The following TTLL6 variants were observed in gnomAD, a reference collection of about 807,000 sequenced individuals.
The protein encoded by TTLL6 is tubulin polyglutamylase TTLL6.
A neutral mutation model predicts 96.4 loss-of-function variants in TTLL6; 75 were observed. That is an observed-to-expected ratio of 0.78 (90% CI 0.65 to 0.94). The LOEUF is 0.94. Ranked by LOEUF, TTLL6 falls within the 40% of genes least tolerant of loss-of-function variation. The pLI is 0.00. For missense variants in TTLL6, 1,030 were observed against 1,093.0 expected (o/e 0.94, Z 0.81); for synonymous variants, 411 against 419.4 (o/e 0.98, Z 0.24).
rs1424866561 is a variant in TTLL6 at position 48,799,892 on chromosome 17, G to A, written c.612-132C>T. ...TCCCTGGCACTGACAGATGCCCAGAGGTCCAGCAATGGGAGAGAGTAGAGC... is the reference window on the plus strand; with the variant it reads ...TCCCTGGCACTGACAGATGCCCAGAAGTCCAGCAATGGGAGAGAGTAGAGC... On this transcript the variant is annotated intron_variant, in intron 5 of 15. Coordinates refer to ENST00000393382, the MANE Select transcript of TTLL6 (RefSeq NM_001130918.3). The A allele has an allele frequency of 1.4e-5, 11 of 791,946 alleles. No individual in the cohort carries two copies. In the Admixed American group the frequency reaches 2.7e-4, roughly 19 times the overall value. 49.1% of individuals were successfully genotyped at this position (791,946 alleles called of 1,614,324 possible).
intron 13 of TTLL6, 77 bp from the exon 14 acceptor site, chr17:48,770,174 A>AT: frequency 1.3e-6 from 2 of 1,497,320 alleles, no homozygotes; most frequent in Non-Finnish European, 1.8e-6. Context: ...TTTTATTTTT[A>AT]TTTTTTGAGA....
chr17:48,816,227 G>C (rs2039665233), intron 1 of TTLL6, among the ~76,000 whole-genome samples: 1 of 152,092 alleles, frequency 6.6e-6, no homozygotes, highest in South Asian at 2.1e-4. Flanking sequence ...AGGATCACTT[G>C]AGCTCAGGAG....
In TTLL6 at chr17:48,799,739, G is replaced by A. The variant is rs1448905744; in HGVS notation, c.633C>T (p.Tyr211=). Residue 211 remains tyrosine (Y), a synonymous_variant, in exon 6 of 16, where the codon TAC becomes TAT. Coordinates refer to ENST00000393382, the MANE Select transcript of TTLL6 (RefSeq NM_001130918.3). ...LPADWGDLQT[Y]SRSRKNKTYI... is the part of the protein sequence containing the mutation. ...ATGTCTTATTTTTTCTTGACCTGCT[G>A]TAGGTCTGCAAATCTCCCCAGCTAC... The A allele has an allele frequency of 6.4e-7, 1 of 1,551,680 alleles. No homozygotes were observed. Among genetic ancestry groups the A allele is most frequent in the East Asian group, 2.4e-5 (1 of 40,922 alleles).
chr17:48,774,631 C>T (rs181315314), intron 13 of TTLL6, among the ~76,000 whole-genome samples: 29 of 152,218 alleles, frequency 1.9e-4, no homozygotes, highest in African/African-American at 7.0e-4. Context: ...ATAAATAACT[C>T]TTCATGTATA....
At chr17:48,771,284 T>G (rs2038739447) in intron 13 of TTLL6, among the ~76,000 whole-genome samples, 1 of 152,188 alleles carries the variant, frequency 6.6e-6, no homozygotes. Context: ...TTTCGATTGC[T>G]GCTGACCACA....
chr17:48,778,598 C>A (rs925837602), intron 13 of TTLL6, among the ~76,000 whole-genome samples: 1 of 149,222 alleles, frequency 6.7e-6, no homozygotes, highest in African/African-American at 2.5e-5. Flanking sequence ...GAGTTTGAAA[C>A]CAGCCTGGGC....
At chr17:48,770,679 G>A (rs1367083752) in intron 13 of TTLL6, among the ~76,000 whole-genome samples, 1 of 151,372 alleles carries the variant, frequency 6.6e-6, no homozygotes, top group Non-Finnish European at 1.5e-5. Context: ...ACCACATCTG[G>A]CTTTTGTATT....
In TTLL6 at chr17:48,802,076, GAA is replaced by G. The variant is rs1259637685; in HGVS notation, c.362-435_362-434del. On this transcript the variant is annotated intron_variant, in intron 3 of 15. Transcript: ENST00000393382. ...AAAGAAAGAAAAGAAAAGAAAGAAA[GAA>G]AAAGAAAGAAAGAAAGAAAGAAAGA... Among the ~76,000 whole-genome samples, 264 of 62,200 alleles carry G rather than the reference GAA, an allele frequency of 4.2e-3. 1 individual carries two copies. Among genetic ancestry groups the G allele is most frequent in the Middle Eastern group, 7.4e-3 (1 of 136 alleles). 40.8% of individuals were successfully genotyped at this position (62,200 alleles called of 152,430 possible).
At chr17:48,810,544 C>CT (rs749804671) in intron 1 of TTLL6, among the ~76,000 whole-genome samples, 1 of 151,950 alleles carries the variant, frequency 6.6e-6, no homozygotes, top group Non-Finnish European at 1.5e-5. Flanking sequence ...GCAGAAATGT[C>CT]TACTTCTGGG....
chr17:48,811,068 C>CTTTTTTT (rs35618180), intron 1 of TTLL6, among the ~76,000 whole-genome samples: 1 of 110,550 alleles, frequency 9.0e-6, no homozygotes, highest in African/African-American at 3.4e-5. Context: ...TATTATTTTT[C>CTTTTTTT]TTTTTTTTTT....
intron 13 of TTLL6, among the ~76,000 whole-genome samples, chr17:48,772,695 C>T (rs1404750005): frequency 6.8e-6 from 1 of 147,216 alleles, no homozygotes; most frequent in Non-Finnish European, 1.5e-5. Context: ...TGCACCACTG[C>T]ACTCCAGCCT....
intron 1 of TTLL6, chr17:48,812,064 A>ACCTCCCCCCCCCCCCC (rs2039602289): frequency 2.6e-5 from 2 of 76,142 alleles, no homozygotes; most frequent in African/African-American, 1.1e-4. Context: ...TGATGCTGGG[A>ACCTCCCCCCCCCCCCC]CCCCCCCCCC....
intron 1 of TTLL6, among the ~76,000 whole-genome samples, chr17:48,812,551 T>G (rs2039611713): frequency 6.6e-6 from 1 of 152,180 alleles, no homozygotes. Flanking sequence ...TTAAATGAGT[T>G]TACTCATTTG....
intron 2 of TTLL6, 140 bp downstream of exon 2, chr17:48,804,632 A>C: frequency 1.4e-6 from 1 of 726,656 alleles, no homozygotes; most frequent in Non-Finnish European, 2.4e-6. Context: ...TTTTTATATG[A>C]ACCAAAAGTG....
At position 48,791,598 on chromosome 17, in the gene TTLL6, A is replaced by G; in HGVS notation, c.1004T>C (p.Leu335Pro). The G allele has an allele frequency of 6.2e-7, 1 of 1,608,076 alleles. No homozygotes were observed. The highest frequency in any genetic ancestry group is 8.5e-7 in the Non-Finnish European group (1 of 1,175,478). ...CTCCAAGTATGCACTGAAGGTGGAG[A>G]GCTTCCTGGAAGGGAACCACAGGCC... ...RDAHSGSKRK[L>P]STFSAYLEDH... The change falls in exon 9 of 16, where the codon CTC becomes CCC. Residue 335 changes from leucine (L) to proline (P), a missense_variant. Leu to Pro is a moderately conservative substitution (Grantham distance 98, BLOSUM62 -3). Coordinates refer to ENST00000393382, the MANE Select transcript of TTLL6 (RefSeq NM_001130918.3).
rs181131720 is a variant in TTLL6, at chr17:48,809,021, T to G, written c.104-4030A>C. Among the ~76,000 whole-genome samples the G allele has an allele frequency of 4.7e-4, 71 of 152,350 alleles. No individual in the cohort carries two copies. In the East Asian group the frequency reaches 0.013, roughly 27 times the overall value. ...AAGCTACCTATAAATAATATAATTA[T>G]AAGCTTTTATGTGGGGATAGTTCTC... On this transcript the variant is annotated intron_variant, in intron 1 of 15. Coordinates refer to ENST00000393382, the MANE Select transcript of TTLL6 (RefSeq NM_001130918.3).
intron 10 of TTLL6, 94 bp downstream of exon 10, chr17:48,789,837 G>T (rs1627452): frequency 0.044 from 59,409 of 1,364,028 alleles, 1,632 homozygotes; most frequent in Non-Finnish European, 0.05. Context: ...GATTACAGGT[G>T]TGAGCCACTG....
intron 1 of TTLL6, among the ~76,000 whole-genome samples, chr17:48,808,193 T>C (rs2039532772): frequency 6.6e-6 from 1 of 152,212 alleles, no homozygotes; most frequent in African/African-American, 2.4e-5. Context: ...CCTGAGTGTA[T>C]GTAACCAATC....
chr17:48,769,827 G>A lies in TTLL6; in HGVS notation c.2311C>T (p.His771Tyr), dbSNP rs1567714354. ...TLLKSDMNKP[H>Y]LISELLTKLQ... ...TTGGTGAGTAGCTCGGATATCAAATGTGGCTTGTTCATGTCACTCTTTAGC... is the reference window on the plus strand; with the variant it reads ...TTGGTGAGTAGCTCGGATATCAAATATGGCTTGTTCATGTCACTCTTTAGC... The change falls in exon 14 of 16, where the codon CAT becomes TAT. Residue 771 changes from histidine (H) to tyrosine (Y), a missense_variant. Transcript: ENST00000393382. The A allele has an allele frequency of 6.2e-7, 1 of 1,614,250 alleles. No individual in the cohort carries two copies. The highest frequency in any genetic ancestry group is 8.5e-7 in the Non-Finnish European group (1 of 1,180,044).
Sources: gnomAD v4.1 joint callset for allele counts (sites outside exome capture counted in the v4.1 genomes callset) on GRCh38, gnomAD v4.1.1 for gene constraint, MANE v1.5 for transcripts, NCBI Gene and HGNC (gene_info 2026-07-23, HGNC 2026-07-21) for gene names.